The following FBXO22 variants were observed in gnomAD, a reference collection of about 807,000 sequenced individuals.
FBXO22 encodes the protein F-box protein 22, also known as F-box only protein 22.
FBXO22 carries 13 observed loss-of-function variants against 37.2 expected under a neutral mutation model. The ratio of observed to expected loss-of-function variants is 0.35; its 90% CI spans 0.23 to 0.56. FBXO22 has a LOEUF of 0.56. Among genes scored for constraint, FBXO22 ranks in the 20% least tolerant of loss-of-function variants. The probability of loss-of-function intolerance (pLI) is 0.87; values close to 1 mark genes in which losing one functional copy is unlikely to be tolerated. For missense variants in FBXO22, 446 were observed against 509.9 expected (o/e 0.87, Z 1.21); for synonymous variants, 189 against 189.1 (o/e 1.00, Z 0.00).
Position 75,904,027 on chromosome 15 carries a change from G to T in FBXO22, c.64G>T (p.Val22Leu), listed in dbSNP as rs187236887. The T allele has an allele frequency of 6.3e-7, 1 of 1,575,306 alleles. No individual in the cohort carries two copies. The highest frequency in any genetic ancestry group is 1.9e-5 in the Admixed American group (1 of 53,994). The change falls in exon 1 of 7, where the codon GTG (valine) becomes TTG (leucine). Residue 22 changes from valine (V) to leucine (L), a missense_variant. Physicochemically the swap from Val to Leu is conservative, Grantham distance 32. This residue lies in a region of FBXO22 where 131 missense variants were observed against 99.8 expected (regional missense o/e 1.31). Coordinates refer to ENST00000308275, the MANE Select transcript of FBXO22 (RefSeq NM_147188.3). ...GSSVDPRSTF[V>L]LSNLAEVVER... ...CTCCGTAGACCCGCGGAGCACCTTC[G>T]TGTTGAGTAACCTGGCGGAGGTGGT...
chr15:75,915,209 G>T (rs941795105), intron 4 of FBXO22, among the ~76,000 whole-genome samples: 3 of 151,832 alleles, frequency 2.0e-5, no homozygotes, highest in African/African-American at 7.3e-5. Context: ...GACCTCAGGT[G>T]ATCCACCGCC....
intron 3 of FBXO22, 50 bp downstream of exon 3, chr15:75,913,340 TC>T (rs756048669): frequency 1.5e-6 from 2 of 1,299,894 alleles, no homozygotes; most frequent in African/African-American, 2.9e-5. Flanking sequence ...TCATGTGCCT[TC>T]CGTTCGGAGT....
At position 75,940,433 on chromosome 15, in the gene FBXO22, GTCTC is replaced by G. The variant is rs1330754803; in HGVS notation, c.*7333_*7336del. The G allele has an allele frequency of 6.7e-6, 1 of 150,034 alleles. No homozygotes were observed. 9.3% of individuals were successfully genotyped at this position (150,034 alleles called of 1,614,324 possible). ...CAAAGTGATGTGCAGATTCACTACA[GTCTC>G]TATCAGAATCCTAGGATTTTTTTTT... is the stretch of plus-strand genomic sequence containing the variant. On this transcript the variant is annotated 3_prime_UTR_variant, in exon 7 of 7. Coordinates refer to ENST00000308275, the MANE Select transcript of FBXO22 (RefSeq NM_147188.3).
chr15:75,915,520 C>G (rs1333076341), intron 4 of FBXO22, among the ~76,000 whole-genome samples: 1 of 151,920 alleles, frequency 6.6e-6, no homozygotes, highest in African/African-American at 2.4e-5. Flanking sequence ...AATCCCAGCA[C>G]TTTAGGAGGC....
At position 75,904,536 on chromosome 15, in the gene FBXO22, C is replaced by G. The variant is rs1899876817; in HGVS notation, c.186C>G (p.Thr62=). 1.9e-6 allele frequency: 3 copies of G among 1,613,658 alleles called. No individual in the cohort carries two copies. Among genetic ancestry groups the G allele is most frequent in the Admixed American group, 1.7e-5 (1 of 59,970 alleles). ...AGTGTGTGCGCAGAGTATTGCGGAC[C>G]CATCGGAGCGTAACCTGGATCTCCG... ...WRECVRRVLR[T]HRSVTWISAG... Residue 62 remains threonine, a synonymous_variant, in exon 2 of 7, where the codon ACC becomes ACG. Transcript: ENST00000308275.
In FBXO22 at chr15:75,937,530, A is replaced by AG. The variant is rs1193967849; in HGVS notation, c.*4428_*4429insG. ...TCTCAAAAAAAAAAAAAAAAAAAAA[A>AG]AAGCAACTGTCTGAACGAACCTTGT... is the stretch of plus-strand genomic sequence containing the variant. On this transcript the variant is annotated 3_prime_UTR_variant, in exon 7 of 7. Coordinates refer to ENST00000308275, the MANE Select transcript of FBXO22 (RefSeq NM_147188.3). The AG allele has an allele frequency of 2.0e-5, 3 of 148,942 alleles. No individual in the cohort carries two copies. Among genetic ancestry groups the AG allele is most frequent in the Non-Finnish European group, 2.9e-5 (2 of 68,614 alleles). The allele number at this position is 148,942 out of a possible 1,614,324, so 9.2% of individuals were successfully genotyped here.
intron 6 of FBXO22, among the ~76,000 whole-genome samples, chr15:75,931,584 A>G (rs1251167085): frequency 1.3e-5 from 2 of 152,218 alleles, no homozygotes; most frequent in Non-Finnish European, 2.9e-5. Context: ...TACTTTAGTC[A>G]CTTAACCTTT....
chr15:75,923,568 A>G (rs1257383872), intron 5 of FBXO22, among the ~76,000 whole-genome samples: 1 of 152,222 alleles, frequency 6.6e-6, no homozygotes, highest in Non-Finnish European at 1.5e-5. Context: ...GCAAGAAGCC[A>G]GGTTTCTAAA....
chr15:75,931,491 T>C (rs2030012257), intron 6 of FBXO22, among the ~76,000 whole-genome samples: 1 of 152,198 alleles, frequency 6.6e-6, no homozygotes, highest in South Asian at 2.1e-4. Context: ...AGAGGAAATG[T>C]GATAAAGTTT....
chr15:75,925,628 G>A (rs1348044682), intron 5 of FBXO22, among the ~76,000 whole-genome samples: 1 of 148,442 alleles, frequency 6.7e-6, no homozygotes, highest in Non-Finnish European at 1.5e-5. Flanking sequence ...TTCTGCCTTC[G>A]AAGTTGCCCA....
intron 5 of FBXO22, among the ~76,000 whole-genome samples, chr15:75,923,662 A>C (rs1050849632): frequency 2.6e-5 from 4 of 152,242 alleles, no homozygotes; most frequent in Admixed American, 2.0e-4. Context: ...ACAAGAGTGG[A>C]TGCAGGATTA....
At chr15:75,930,876 A>G (rs983568211) in intron 6 of FBXO22, 84 of 978,872 alleles carry the variant, frequency 8.6e-5, no homozygotes, top group East Asian at 1.1e-4. Flanking sequence ...ATCAGTATCT[A>G]TAAGAATAAT....
chr15:75,917,098 T>G (rs1008828753), intron 4 of FBXO22, 132 bp from the exon 5 acceptor site: 9 of 669,214 alleles, frequency 1.3e-5, no homozygotes, highest in Non-Finnish European at 2.1e-5. Context: ...CACTACACCC[T>G]AAAACTGTCA....
chr15:75,905,419 A>C (rs1899907088), intron 2 of FBXO22, among the ~76,000 whole-genome samples: 1 of 152,180 alleles, frequency 6.6e-6, no homozygotes, highest in Non-Finnish European at 1.5e-5. Context: ...AGGGTGTACC[A>C]TCTCTGGGGA....
chr15:75,925,803 A>G (rs1400199029), intron 5 of FBXO22, among the ~76,000 whole-genome samples: 1 of 152,174 alleles, frequency 6.6e-6, no homozygotes, highest in Non-Finnish European at 1.5e-5. Flanking sequence ...TGCACCAACC[A>G]CAAATGGGGA....
At chr15:75,908,997 CTTT>C (rs893537467) in intron 2 of FBXO22, among the ~76,000 whole-genome samples, 2 of 151,724 alleles carry the variant, frequency 1.3e-5, no homozygotes, top group Admixed American at 1.3e-4. Context: ...AATGGACCAA[CTTT>C]TTTTTTCCAT....
Position 75,941,600 on chromosome 15 carries a change from A to G in FBXO22, c.*8498A>G, listed in dbSNP as rs989096355. On this transcript the variant is annotated 3_prime_UTR_variant, in exon 7 of 7. Coordinates refer to ENST00000308275, the MANE Select transcript of FBXO22 (RefSeq NM_147188.3). ...GAATATTATTCAGCCATAAAAAGGA[A>G]ATCCTTCTACATACTACATCATGGA... is the stretch of plus-strand genomic sequence containing the variant. The G allele has an allele frequency of 6.6e-6, 1 of 152,190 alleles. No individual in the cohort carries two copies. Among genetic ancestry groups the G allele is most frequent in the East Asian group, 1.9e-4 (1 of 5,198 alleles). 9.4% of individuals were successfully genotyped at this position (152,190 alleles called of 1,614,324 possible).
Position 75,933,327 on chromosome 15 carries a change from A to G in FBXO22, c.*225A>G, listed in dbSNP as rs2030133322. On this transcript the variant is annotated 3_prime_UTR_variant, in exon 7 of 7. Transcript: ENST00000308275. Reference sequence around the variant, plus strand: ...GTTGAGAGCTTTTGCATCAGGCAGAAGCAAACTGATTATAGTTGTGTTGCA... The same window carrying G: ...GTTGAGAGCTTTTGCATCAGGCAGAGGCAAACTGATTATAGTTGTGTTGCA... The G allele has an allele frequency of 4.1e-6, 2 of 486,490 alleles. No individual in the cohort carries two copies. The highest frequency in any genetic ancestry group is 4.9e-5 in the South Asian group (2 of 41,060). 30.1% of individuals were successfully genotyped at this position (486,490 alleles called of 1,614,324 possible). A position where few individuals can be genotyped will look rare whatever the true frequency, so the allele number is the denominator to read the frequency against.
chr15:75,915,736 C>T lies in FBXO22; in HGVS notation c.464-1494C>T, dbSNP rs570338336. ...CCGACGTGGTGAAACCCCATCTCTA[C>T]TAAAAATACAAAAATTAGCCAGGCA... On this transcript the variant is annotated intron_variant, in intron 4 of 6. Transcript: ENST00000308275. Among the ~76,000 whole-genome samples, 25 of 152,056 alleles carry T rather than the reference C, an allele frequency of 1.6e-4. 1 individual carries two copies. In the East Asian group the frequency reaches 3.9e-3, roughly 24 times the overall value.
Sources: allele counts gnomAD v4.1 joint callset (sites outside exome capture counted in the v4.1 genomes callset), GRCh38; gene constraint gnomAD v4.1.1; regional missense constraint gnomAD v4.1.1; transcripts MANE v1.5; gene names NCBI Gene and HGNC (gene_info 2026-07-23, HGNC 2026-07-21).